GABBR2: variants seen among roughly 807,000 people sequenced by gnomAD.
The protein encoded by GABBR2 is gamma-aminobutyric acid type B receptor subunit 2, also known as G-protein coupled receptor 51.
Under a neutral mutation model 105.6 loss-of-function variants are expected in GABBR2, and 23 were observed. The ratio of observed to expected loss-of-function variants is 0.22; its 90% CI spans 0.16 to 0.31. The LOEUF (loss-of-function observed/expected upper bound fraction) is 0.31. Ranked by LOEUF, GABBR2 falls within the 10% of genes least tolerant of loss-of-function variation. GABBR2 has a pLI of 1.00. For synonymous variants in GABBR2, 478 were observed against 499.7 expected (o/e 0.96, Z 0.58); for missense variants, 734 against 1,245.5 (o/e 0.59, Z 6.18).
chr9:98,426,080 G>A (rs1485355343), intron 7 of GABBR2, among the ~76,000 whole-genome samples: 1 of 152,196 alleles, frequency 6.6e-6, no homozygotes, highest in Non-Finnish European at 1.5e-5. Flanking sequence ...TCAGAAGGCT[G>A]GCACATGAGG....
chr9:98,302,517 TG>T (rs1321407688), intron 16 of GABBR2, among the ~76,000 whole-genome samples: 1 of 152,202 alleles, frequency 6.6e-6, no homozygotes, highest in African/African-American at 2.4e-5. Context: ...CACTTTATTT[TG>T]GGGCCTTGTT....
At chr9:98,569,534 G>A (rs1828797613) in intron 2 of GABBR2, among the ~76,000 whole-genome samples, 1 of 152,126 alleles carries the variant, frequency 6.6e-6, no homozygotes, top group South Asian at 2.1e-4. Context: ...CTTTCCCTTG[G>A]AGAAAAAACA....
chr9:98,454,258 G>A lies in GABBR2; in HGVS notation c.1000-41C>T, dbSNP rs199521107. On this transcript the variant is annotated intron_variant, in intron 6 of 18. Transcript: ENST00000259455. The surrounding 1 kb of genome is among the most constrained non-coding windows in gnomAD (Gnocchi z 4.6). ...ATTGGGGGAATCCCAAGTTATACTCGGCAGGGACATCAGGTGCCTGATGCC... is the reference window on the plus strand; with the variant it reads ...ATTGGGGGAATCCCAAGTTATACTCAGCAGGGACATCAGGTGCCTGATGCC... 6 of 1,383,996 alleles carry A rather than the reference G, an allele frequency of 4.3e-6. No homozygotes were observed. Among genetic ancestry groups the A allele is most frequent in the African/African-American group, 2.8e-5 (2 of 70,460 alleles). 85.7% of individuals were successfully genotyped at this position (1,383,996 alleles called of 1,614,324 possible).
intron 3 of GABBR2, among the ~76,000 whole-genome samples, chr9:98,534,765 T>G (rs187655909): frequency 3.7e-4 from 56 of 152,352 alleles, no homozygotes; most frequent in Middle Eastern, 3.4e-3. Flanking sequence ...AAACTCTCAT[T>G]CATTGCTGGT....
chr9:98,506,865 C>A (rs1017861955), intron 3 of GABBR2, among the ~76,000 whole-genome samples: 1 of 152,190 alleles, frequency 6.6e-6, no homozygotes, highest in African/African-American at 2.4e-5. Flanking sequence ...CAGGCCCTCA[C>A]ACCCAACCCA....
intron 5 of GABBR2, among the ~76,000 whole-genome samples, chr9:98,475,794 C>T (rs1035792617): frequency 3.3e-5 from 5 of 152,114 alleles, no homozygotes; most frequent in Non-Finnish European, 7.4e-5. Flanking sequence ...AGTGGCTGGG[C>T]GCGTTGGCTC....
intron 1 of GABBR2, among the ~76,000 whole-genome samples, chr9:98,580,854 C>T (rs1588237580): frequency 6.6e-6 from 1 of 152,312 alleles, no homozygotes; most frequent in East Asian, 1.9e-4. Flanking sequence ...TACACTTCCA[C>T]GTTCTCTCCT....
intron 3 of GABBR2, among the ~76,000 whole-genome samples, chr9:98,509,631 C>T (rs1051709356): frequency 2.0e-5 from 3 of 152,158 alleles, no homozygotes; most frequent in Non-Finnish European, 4.4e-5. Context: ...ATGCACAAAC[C>T]TCAGTAGCCA....
At chr9:98,581,472 AGAAAGGAAGGAG>A (rs1829002533) in intron 1 of GABBR2, among the ~76,000 whole-genome samples, 3 of 144,876 alleles carry the variant, frequency 2.1e-5, no homozygotes, top group Non-Finnish European at 4.6e-5. Flanking sequence ...AAAGAAAGAG[AGAAAGGAAGGAG>A]GAAAGGAAGG....
chr9:98,609,398 G>A (rs1286353062), intron 1 of GABBR2, among the ~76,000 whole-genome samples: 2 of 152,050 alleles, frequency 1.3e-5, no homozygotes, highest in South Asian at 2.1e-4. Context: ...GCAGTTTCTC[G>A]CACCTCGAAT....
At chr9:98,603,140 T>G (rs1829365000) in intron 1 of GABBR2, among the ~76,000 whole-genome samples, 1 of 152,200 alleles carries the variant, frequency 6.6e-6, no homozygotes, top group Admixed American at 6.5e-5. Flanking sequence ...GGGTTTCATG[T>G]CAATAAATAC....
At chr9:98,499,302 A>G (rs898076568) in intron 3 of GABBR2, among the ~76,000 whole-genome samples, 1 of 152,228 alleles carries the variant, frequency 6.6e-6, no homozygotes, top group Non-Finnish European at 1.5e-5. Context: ...ACGAATAGAC[A>G]AAACACACCC....
chr9:98,632,917 A>T (rs1829832459), intron 1 of GABBR2, among the ~76,000 whole-genome samples: 4 of 152,268 alleles, frequency 2.6e-5, no homozygotes, highest in Admixed American at 2.6e-4. Flanking sequence ...TTCTAAGAGC[A>T]AAGAAGTGCA....
chr9:98,315,191 C>T (rs780341163), intron 13 of GABBR2, among the ~76,000 whole-genome samples: 8 of 152,150 alleles, frequency 5.3e-5, no homozygotes, highest in Admixed American at 6.5e-5. Flanking sequence ...AGTTCCGCAC[C>T]CATCTCAGCA....
At chr9:98,499,591 A>G (rs1827360188) in intron 3 of GABBR2, among the ~76,000 whole-genome samples, 1 of 152,266 alleles carries the variant, frequency 6.6e-6, no homozygotes, top group South Asian at 2.1e-4. Flanking sequence ...TTTTAAAGTG[A>G]CAAAAGCATG....
Position 98,289,297 on chromosome 9 carries a change from G to A in GABBR2, c.*1287C>T, listed in dbSNP as rs1830249708. Reference sequence around the variant, plus strand: ...TGTTTTAGTTCAACCCCAAGTTACAGAGGGGAAACTGAGGCTCAGAGAGAC... The same window carrying A: ...TGTTTTAGTTCAACCCCAAGTTACAAAGGGGAAACTGAGGCTCAGAGAGAC... On this transcript the variant is annotated 3_prime_UTR_variant, in exon 19 of 19. Coordinates refer to ENST00000259455, the MANE Select transcript of GABBR2 (RefSeq NM_005458.8). 2 of 152,408 alleles carry A rather than the reference G, an allele frequency of 1.3e-5. No homozygotes were observed. Among genetic ancestry groups the A allele is most frequent in the African/African-American group, 4.8e-5 (2 of 41,454 alleles). 9.4% of individuals were successfully genotyped at this position (152,408 alleles called of 1,614,324 possible).
chr9:98,473,553 A>C (rs1564083669), intron 5 of GABBR2, among the ~76,000 whole-genome samples: 1 of 152,208 alleles, frequency 6.6e-6, no homozygotes, highest in Non-Finnish European at 1.5e-5. Flanking sequence ...AGTACTGAAT[A>C]AAAATTAAAA....
Position 98,682,990 on chromosome 9 carries a change from G to A in GABBR2, c.321+25427C>T, listed in dbSNP as rs374853745. Among the ~76,000 whole-genome samples, 182 of 152,314 alleles carry A rather than the reference G, an allele frequency of 1.2e-3. 6 individuals carry two copies. The South Asian group carries it at 0.036, about 30-fold the overall frequency. ...AGGACAGCTTGGCAGGAAGTACAGT[G>A]TCAGATTCCAGTGCAGGTCCTGCGG... On this transcript the variant is annotated intron_variant, in intron 1 of 18. Coordinates refer to ENST00000259455, the MANE Select transcript of GABBR2 (RefSeq NM_005458.8).
At chr9:98,355,180 T>C (rs971991613) in intron 13 of GABBR2, among the ~76,000 whole-genome samples, 7 of 152,022 alleles carry the variant, frequency 4.6e-5, no homozygotes. Flanking sequence ...TGGTTTGTGG[T>C]ACCCCAAAAC....
Sources: allele counts gnomAD v4.1 joint callset (sites outside exome capture counted in the v4.1 genomes callset), GRCh38; gene constraint gnomAD v4.1.1; non-coding constraint Gnocchi (gnomAD v3.1); transcripts MANE v1.5; gene names NCBI Gene and HGNC (gene_info 2026-07-23, HGNC 2026-07-21).